The following LIPA variants were observed in gnomAD, a reference collection of about 807,000 sequenced individuals.
LIPA encodes lysosomal acid lipase/cholesteryl ester hydrolase.
LIPA carries 26 observed loss-of-function variants against 40.6 expected under a neutral mutation model. The observed-to-expected ratio is 0.64, with a 90% CI of 0.47 to 0.89. LIPA has a LOEUF of 0.89. LIPA is among the 40% of genes least tolerant of loss of function. LIPA has a pLI of 0.00. For synonymous variants in LIPA, 188 were observed against 168.4 expected, an observed-to-expected ratio of 1.12 and a Z score of -0.90; for missense variants, 455 against 479.6, an observed-to-expected ratio of 0.95 and a Z score of 0.48.
At chr10:89,333,167 G>A (rs1012495032) in intron 1 of LIPA, among the ~76,000 whole-genome samples, 7 of 152,144 alleles carry the variant, frequency 4.6e-5, no homozygotes, top group Non-Finnish European at 7.4e-5. Flanking sequence ...TCCTCTAGCA[G>A]GTCTAGTGAC....
At chr10:89,337,060 A>T (rs760284838) in intron 1 of LIPA, among the ~76,000 whole-genome samples, 1 of 152,204 alleles carries the variant, frequency 6.6e-6, no homozygotes, top group Non-Finnish European at 1.5e-5. Context: ...CTGTCTGGGA[A>T]TCTGGCCTGT....
rs530125396 is a variant in LIPA, at chr10:89,225,988, T to C, written c.539-760A>G. On this transcript the variant is annotated intron_variant, in intron 5 of 9. Coordinates refer to ENST00000336233, the MANE Select transcript of LIPA (RefSeq NM_000235.4). ...CACAATCCATTAAACTGTGAGTCCATTAAACCTCTTTTTCTTTATAAATTG... is the reference window on the plus strand; with the variant it reads ...CACAATCCATTAAACTGTGAGTCCACTAAACCTCTTTTTCTTTATAAATTG... Among the ~76,000 whole-genome samples the C allele has an allele frequency of 7.1e-4, 108 of 152,284 alleles. 1 individual carries two copies. Among genetic ancestry groups the C allele is most frequent in the Admixed American group, 1.9e-3 (29 of 15,300 alleles).
At chr10:89,352,062 T>C (rs1843962152) in intron 2 of LIPA, among the ~76,000 whole-genome samples, 1 of 152,146 alleles carries the variant, frequency 6.6e-6, no homozygotes, top group Admixed American at 6.5e-5. Context: ...TCCTTATTAA[T>C]CTTTAACCAG....
At chr10:89,235,467 C>A (rs1564759615) in intron 3 of LIPA, among the ~76,000 whole-genome samples, 1 of 152,248 alleles carries the variant, frequency 6.6e-6, no homozygotes, top group Non-Finnish European at 1.5e-5. Flanking sequence ...GACAAAGAAG[C>A]AGCCCAGTGG....
intron 1 of LIPA, among the ~76,000 whole-genome samples, chr10:89,341,266 C>A (rs1226056775): frequency 6.6e-6 from 1 of 152,158 alleles, no homozygotes; most frequent in African/African-American, 2.4e-5. Flanking sequence ...CAAATGCCTC[C>A]CTGACAGAGT....
intron 2 of LIPA, among the ~76,000 whole-genome samples, chr10:89,401,308 G>A (rs1267565501): frequency 6.6e-6 from 1 of 151,832 alleles, no homozygotes; most frequent in African/African-American, 2.4e-5. Context: ...TTTTAGTAGA[G>A]ACAGGATTTC....
chr10:89,249,977 G>A (rs1214014771), intron 1 of LIPA, among the ~76,000 whole-genome samples: 1 of 152,080 alleles, frequency 6.6e-6, no homozygotes, highest in African/African-American at 2.4e-5. Flanking sequence ...ATTCTCAGGA[G>A]ATTGCAAAAG....
In LIPA at chr10:89,394,629, A is replaced by ATATATATATATATATAT. The variant is rs1429080862; in HGVS notation, c.61+18161_61+18162insATATATATATATATATA. 7.6e-5 allele frequency among the ~76,000 whole-genome samples: 2 copies of ATATATATATATATATAT among 26,240 alleles called. 1 individual carries two copies. The highest frequency in any genetic ancestry group is 3.4e-4 in the African/African-American group (2 of 5,934). 17.2% of individuals were successfully genotyped at this position (26,240 alleles called of 152,430 possible). A position where few individuals can be genotyped will look rare whatever the true frequency, so the allele number is the denominator to read the frequency against. On this transcript the variant is annotated intron_variant, in intron 2 of 8. Coordinates refer to the LIPA transcript ENST00000371837. ...ATATATATATATATATATATATATA[A>ATATATATATATATATAT]AACTTGAATTTTATTCAGGTTAGCA...
chr10:89,414,581 TC>T (rs1465380168), upstream of LIPA: 1 of 468,852 alleles, frequency 2.1e-6, no homozygotes, highest in African/African-American at 2.1e-5. Flanking sequence ...TTCTGAGCGC[TC>T]GGCATCTGAT....
chr10:89,360,336 C>T (rs1844014987), intron 2 of LIPA, among the ~76,000 whole-genome samples: 1 of 152,086 alleles, frequency 6.6e-6, no homozygotes, highest in Admixed American at 6.6e-5. Flanking sequence ...AAAAGAAAAA[C>T]CTCTCCTGCT....
upstream of LIPA, among the ~76,000 whole-genome samples, chr10:89,254,885 C>T (rs542711307): frequency 6.6e-6 from 1 of 152,354 alleles, no homozygotes; most frequent in Non-Finnish European, 1.5e-5. Context: ...TTTGCTAAAA[C>T]ATAGCAAGAG....
chr10:89,295,331 G>GT (rs1843407059), intron 1 of LIPA, among the ~76,000 whole-genome samples: 1 of 152,010 alleles, frequency 6.6e-6, no homozygotes, highest in African/African-American at 2.4e-5. Flanking sequence ...CAAAACTTCA[G>GT]TTAAAAATAG....
intron 1 of LIPA, chr10:89,339,588 G>A (rs1296011534): frequency 4.3e-6 from 7 of 1,614,056 alleles, no homozygotes; most frequent in Non-Finnish European, 5.9e-6. Context: ...AAGCACTAAA[G>A]CAATATGCTA....
intron 3 of LIPA, among the ~76,000 whole-genome samples, chr10:89,233,670 C>T (rs1261353138): frequency 3.3e-5 from 5 of 152,130 alleles, no homozygotes; most frequent in Admixed American, 6.5e-5. Flanking sequence ...GAGGCCGAGG[C>T]GGGTGGATCA....
At chr10:89,234,494 G>A (rs1013177686) in intron 3 of LIPA, among the ~76,000 whole-genome samples, 5 of 152,180 alleles carry the variant, frequency 3.3e-5, no homozygotes, top group South Asian at 2.1e-4. Flanking sequence ...TCGAATCCTC[G>A]GGTGAAAAAC....
intron 2 of LIPA, chr10:89,402,614 A>G (rs1428364127): frequency 5.0e-6 from 8 of 1,614,100 alleles, no homozygotes; most frequent in Non-Finnish European, 6.8e-6. Context: ...GACTGGCAGA[A>G]GCCCAGACTT....
intron 2 of LIPA, among the ~76,000 whole-genome samples, chr10:89,379,933 G>A (rs1844150219): frequency 6.6e-6 from 1 of 152,008 alleles, no homozygotes; most frequent in African/African-American, 2.4e-5. Flanking sequence ...TACTCAGGAG[G>A]CTGAGGCAGG....
intron 2 of LIPA, among the ~76,000 whole-genome samples, chr10:89,381,316 T>C (rs1844161101): frequency 6.6e-6 from 1 of 152,158 alleles, no homozygotes; most frequent in Non-Finnish European, 1.5e-5. Context: ...TTCCATCTTC[T>C]GTAGGGGTGG....
At chr10:89,388,036 T>A (rs75640417) in intron 2 of LIPA, among the ~76,000 whole-genome samples, 3,860 of 152,272 alleles carry the variant, frequency 0.025, 107 homozygotes, top group African/African-American at 0.071. Context: ...TCCAAGTGAT[T>A]TTTAAGTGCG....
Sources: allele counts gnomAD v4.1 joint callset (sites outside exome capture counted in the v4.1 genomes callset), GRCh38; gene constraint gnomAD v4.1.1; transcripts MANE v1.5; gene names NCBI Gene and HGNC (gene_info 2026-07-23, HGNC 2026-07-21).